Variants in HERPUD2 observed in about 807,000 individuals in gnomAD.
HERPUD2 encodes HERPUD family member 2.
HERPUD2 carries 13 observed loss-of-function variants against 49.9 expected under a neutral mutation model. That is an observed-to-expected ratio of 0.26 (90% CI 0.17 to 0.41). The LOEUF is 0.41. HERPUD2 is among the 10% of genes least tolerant of loss of function. The pLI, the probability that HERPUD2 is intolerant of heterozygous loss-of-function variation, is 1.00. For missense variants in HERPUD2, 449 were observed against 492.2 expected (o/e 0.91, Z 0.83); for synonymous variants, 172 against 171.4 (o/e 1.00, Z -0.03).
intron 5 of HERPUD2, among the ~76,000 whole-genome samples, chr7:35,659,767 T>A (rs1785369534): frequency 6.6e-6 from 1 of 152,222 alleles, no homozygotes; most frequent in South Asian, 2.1e-4. Context: ...ATTCCCTAGG[T>A]GAAGCTCAAA....
intron 5 of HERPUD2, among the ~76,000 whole-genome samples, chr7:35,651,896 G>C (rs1163171282): frequency 1.3e-5 from 2 of 152,148 alleles, no homozygotes; most frequent in Admixed American, 6.5e-5. Context: ...CCTGAGGAGA[G>C]TGAAAATCAC....
chr7:35,683,944 T>G (rs1465420820), intron 2 of HERPUD2, among the ~76,000 whole-genome samples: 3 of 152,230 alleles, frequency 2.0e-5, no homozygotes, highest in African/African-American at 7.2e-5. Flanking sequence ...CAGGGAACAC[T>G]TGTACAATGC....
At chr7:35,690,015 A>C (rs1224409522) in intron 2 of HERPUD2, among the ~76,000 whole-genome samples, 2 of 152,200 alleles carry the variant, frequency 1.3e-5, no homozygotes, top group African/African-American at 4.8e-5. Flanking sequence ...ATCTATTATC[A>C]ACCGTTTTGG....
At chr7:35,652,116 T>A (rs1785180469) in intron 5 of HERPUD2, among the ~76,000 whole-genome samples, 1 of 152,166 alleles carries the variant, frequency 6.6e-6, no homozygotes, top group Non-Finnish European at 1.5e-5. Context: ...AAAATTTCTA[T>A]ACATTTCTGG....
intron 5 of HERPUD2, among the ~76,000 whole-genome samples, chr7:35,657,586 A>T (rs1785302331): frequency 7.1e-6 from 1 of 141,162 alleles, no homozygotes. Context: ...CCTGGGCAAC[A>T]GAGCAAGACC....
intron 5 of HERPUD2, among the ~76,000 whole-genome samples, chr7:35,657,672 G>A (rs1465090100): frequency 2.0e-5 from 3 of 151,036 alleles, no homozygotes; most frequent in African/African-American, 7.3e-5. Flanking sequence ...CACTTTGGGA[G>A]GCCGAGGAGG....
intron 5 of HERPUD2, among the ~76,000 whole-genome samples, chr7:35,656,320 A>T (rs1435413888): frequency 6.6e-6 from 1 of 152,094 alleles, no homozygotes; most frequent in East Asian, 1.9e-4. Flanking sequence ...AATGAAAGAA[A>T]TTGAAGAGGA....
intron 2 of HERPUD2, among the ~76,000 whole-genome samples, chr7:35,676,868 T>C (rs141756755): frequency 2.0e-5 from 3 of 152,344 alleles, no homozygotes; most frequent in Non-Finnish European, 4.4e-5. Flanking sequence ...AGATTGTTAC[T>C]AACAATATTG....
chr7:35,635,299 C>T lies in HERPUD2; in HGVS notation c.777G>A (p.Met259Ile). Residue 259 changes from methionine to isoleucine, a missense_variant, in exon 7 of 9, where the codon ATG becomes ATA. Physicochemically the swap from Met to Ile is conservative, Grantham distance 10 (BLOSUM62 1). Coordinates refer to ENST00000311350, the MANE Select transcript of HERPUD2 (RefSeq NM_022373.5). ...TTAGTACTGGACCTCCCTGTGCATT[C>T]ATTTGAACATTCTCATTCATGGGTC... ...ENRPMNENVQMNAQGGPVLNE... is the reference protein window; with the variant it reads ...ENRPMNENVQINAQGGPVLNE... 6 of 1,614,144 alleles carry T rather than the reference C, an allele frequency of 3.7e-6. No homozygotes were observed. Among genetic ancestry groups the T allele is most frequent in the Non-Finnish European group, 5.1e-6 (6 of 1,180,036 alleles).
chr7:35,654,830 T>C (rs1785241007), intron 5 of HERPUD2, among the ~76,000 whole-genome samples: 1 of 151,746 alleles, frequency 6.6e-6, no homozygotes, highest in Non-Finnish European at 1.5e-5. Context: ...CATACACCAC[T>C]ACATCCAACT....
chr7:35,643,432 C>A, intron 5 of HERPUD2, among the ~76,000 whole-genome samples: 1 of 152,176 alleles, frequency 6.6e-6, no homozygotes, highest in East Asian at 1.9e-4. Context: ...ACAGTTTATG[C>A]ACTGAATGAA....
chr7:35,681,885 G>A (rs867640688), intron 2 of HERPUD2, among the ~76,000 whole-genome samples: 2 of 152,210 alleles, frequency 1.3e-5, no homozygotes, highest in African/African-American at 4.8e-5. Flanking sequence ...AGTTTCTGGG[G>A]TGATGAAAAT....
At chr7:35,637,401 A>C (rs1784889369) in intron 6 of HERPUD2, among the ~76,000 whole-genome samples, 1 of 152,342 alleles carries the variant, frequency 6.6e-6, no homozygotes, top group East Asian at 1.9e-4. Flanking sequence ...CCAGAATCAA[A>C]GCTGTTTATG....
chr7:35,677,549 G>T (rs753083915), intron 2 of HERPUD2, among the ~76,000 whole-genome samples: 24 of 152,188 alleles, frequency 1.6e-4, no homozygotes, highest in Non-Finnish European at 3.1e-4. Context: ...CAAGAGAAAA[G>T]GAGAGACACG....
intron 2 of HERPUD2, among the ~76,000 whole-genome samples, chr7:35,686,684 A>G (rs1786054933): frequency 1.1e-5 from 1 of 90,190 alleles, no homozygotes; most frequent in African/African-American, 4.4e-5. Context: ...CCGCCACTGC[A>G]CTCCAGCCTG....
intron 2 of HERPUD2, among the ~76,000 whole-genome samples, chr7:35,682,342 T>TA: frequency 3.9e-5 from 1 of 25,522 alleles, no homozygotes; most frequent in African/African-American, 1.3e-4. Context: ...TGTGTGTGTG[T>TA]GTGTGTGTGT....
chr7:35,676,426 T>C (rs1417467335), intron 2 of HERPUD2, among the ~76,000 whole-genome samples: 1 of 152,174 alleles, frequency 6.6e-6, no homozygotes, highest in Non-Finnish European at 1.5e-5. Flanking sequence ...CCCTACAAGG[T>C]GGCTCCTGCA....
At chr7:35,639,973 G>GA (rs958318595) in intron 5 of HERPUD2, among the ~76,000 whole-genome samples, 3 of 152,026 alleles carry the variant, frequency 2.0e-5, no homozygotes, top group Non-Finnish European at 2.9e-5. Context: ...ATATAAGGGG[G>GA]AAAAAACTTC....
At chr7:35,642,661 T>C (rs1018722735) in intron 5 of HERPUD2, among the ~76,000 whole-genome samples, 5 of 152,170 alleles carry the variant, frequency 3.3e-5, no homozygotes, top group African/African-American at 1.2e-4. Flanking sequence ...TGCGGGAACA[T>C]GGATGGAGCT....
Sources: gnomAD v4.1 joint callset for allele counts (sites outside exome capture counted in the v4.1 genomes callset) on GRCh38, gnomAD v4.1.1 for gene constraint, MANE v1.5 for transcripts, NCBI Gene and HGNC (gene_info 2026-07-23, HGNC 2026-07-21) for gene names.